The following RPS25 variants were observed in gnomAD, a reference collection of about 807,000 sequenced individuals.
The protein encoded by RPS25 is small ribosomal subunit protein eS25.
Under a neutral mutation model 14.4 loss-of-function variants are expected in RPS25, and 1 was observed. The ratio of observed to expected loss-of-function variants is 0.07; its 90% CI spans 0.02 to 0.33. The LOEUF (loss-of-function observed/expected upper bound fraction) is 0.33, where lower values mean the gene tolerates loss of function less well. RPS25 is among the 10% of genes least tolerant of loss of function. The pLI is 1.00. For missense variants in RPS25, 65 were observed against 144.6 expected, an observed-to-expected ratio of 0.45 and a Z score of 2.82; for synonymous variants, 63 against 53.8, an observed-to-expected ratio of 1.17 and a Z score of -0.75.
chr11:119,015,830 T>C lies in RPS25; in HGVS notation c.*4+11A>G, dbSNP rs1943142333. The C allele has an allele frequency of 3.9e-6, 6 of 1,554,718 alleles. No homozygotes were observed. The highest frequency in any genetic ancestry group is 1.1e-5 in the South Asian group (1 of 89,870). Reference sequence around the variant, plus strand: ...ACCTCCTACACCATGAGCCCACACATTCCTACTCACCTATTCATGCATCTT... The same window carrying C: ...ACCTCCTACACCATGAGCCCACACACTCCTACTCACCTATTCATGCATCTT... On this transcript the variant is annotated intron_variant, in intron 4 of 4. Transcript: ENST00000527673.
At chr11:119,017,573 G>A (rs1445361112) in intron 2 of RPS25, 28 bp from the exon 3 acceptor site, 12 of 1,597,162 alleles carry the variant, frequency 7.5e-6, no homozygotes, top group Non-Finnish European at 1.0e-5. Flanking sequence ...ACAGAAACAA[G>A]TTAGTATTTC....
intron 1 of RPS25, 41 bp from the exon 2 acceptor site, chr11:119,018,094 G>A (rs782764270): frequency 6.3e-7 from 1 of 1,594,454 alleles, no homozygotes; most frequent in East Asian, 2.2e-5. Context: ...TCCTCAAATA[G>A]CGCCAAAGTC....
Position 119,017,689 on chromosome 11 carries a change from ACC to A in RPS25, c.100-146_100-145del, listed in dbSNP as rs1943196270. The A allele has an allele frequency of 3.6e-6, 3 of 828,468 alleles. No individual in the cohort carries two copies. The East Asian group carries it at 8.0e-5, about 22-fold the overall frequency. 51.3% of individuals were successfully genotyped at this position (828,468 alleles called of 1,614,324 possible). A position where few individuals can be genotyped will look rare whatever the true frequency, so the allele number is the denominator to read the frequency against. ...ACTAAAACAAAAACAAAAAAAAAAC[ACC>A]GACACGTTTTTGGCCTTCAAACAGG... On this transcript the variant is annotated intron_variant, in intron 2 of 4. Coordinates refer to ENST00000527673, the MANE Select transcript of RPS25 (RefSeq NM_001028.3).
rs887626913 is a variant in RPS25, at chr11:119,018,337, C to CTT, written c.-54_-53insAA. On this transcript the variant is annotated 5_prime_UTR_variant, in exon 1 of 5. Coordinates refer to ENST00000527673, the MANE Select transcript of RPS25 (RefSeq NM_001028.3). Reference sequence around the variant, plus strand: ...ACCGCAGCCTCGTCAAGATGTCGGACAAAAAGGAAGCGCTGCTCAGAAACG... The same window carrying CTT: ...ACCGCAGCCTCGTCAAGATGTCGGACTTAAAAAGGAAGCGCTGCTCAGAAACG... The CTT allele has an allele frequency of 2.5e-6, 4 of 1,613,484 alleles. No individual in the cohort carries two copies. In the African/African-American group the frequency reaches 5.3e-5, roughly 22 times the overall value.
rs1390904844 is a variant in RPS25, at chr11:119,015,866, T to C, written c.357A>G (p.Pro119=). The C allele has an allele frequency of 1.2e-6, 2 of 1,608,450 alleles. No individual in the cohort carries two copies. The change falls in exon 4 of 5, where the codon CCA becomes CCG. Residue 119 remains proline (P), a synonymous_variant. Coordinates refer to ENST00000527673, the MANE Select transcript of RPS25 (RefSeq NM_001028.3). ...YTRNTKGGDA[P]AAGEDA is the part of the protein sequence containing the mutation. ...CTATTCATGCATCTTCACCAGCAGCTGGAGCATCTCCACCCTTGGTATTTC... is the reference window on the plus strand; with the variant it reads ...CTATTCATGCATCTTCACCAGCAGCCGGAGCATCTCCACCCTTGGTATTTC...
intron 3 of RPS25, among the ~76,000 whole-genome samples, chr11:119,016,155 G>A (rs951027593): frequency 2.0e-5 from 3 of 152,138 alleles, no homozygotes; most frequent in African/African-American, 7.2e-5. Flanking sequence ...GGGCATGGTG[G>A]CACATGCTTG....
rs1272738893 is a variant in RPS25 at position 119,017,375 on chromosome 11, C to G, written c.270G>C (p.Glu90Asp). Reference protein sequence around the residue: ...RGSLARAALQELLSKGLIKLV... With the variant: ...RGSLARAALQDLLSKGLIKLV... ...TACACCCCTCACCTTTACTAAGGAG[C>G]TCCTGAAGGGCTGCCCTGGCCAGGG... Residue 90 changes from glutamate to aspartate, a missense_variant, in exon 3 of 5, where the codon GAG (glutamate) becomes GAC (aspartate). Transcript: ENST00000527673. 2 of 1,613,096 alleles carry G rather than the reference C, an allele frequency of 1.2e-6. No homozygotes were observed. Among genetic ancestry groups the G allele is most frequent in the East Asian group, 4.5e-5 (2 of 44,900 alleles).
In RPS25 at chr11:119,018,001, T is replaced by C. The variant is rs1285819109; in HGVS notation, c.56A>G (p.Asp19Gly). The change falls in exon 2 of 5, where the codon GAC becomes GGC. Residue 19 changes from aspartate to glycine, a missense_variant. Physicochemically the swap from Asp to Gly is moderately conservative, Grantham distance 94 (BLOSUM62 -1). Coordinates refer to ENST00000527673, the MANE Select transcript of RPS25 (RefSeq NM_001028.3). ...CCCGGATTTGTTCACTGGGTCTTTG[T>C]CTTTCTTGGCCGACTTTCCAGCGTC... is the stretch of plus-strand genomic sequence containing the variant. ...KKDAGKSAKK[D>G]KDPVNKSGGK... 1.2e-6 allele frequency: 2 copies of C among 1,612,412 alleles called. No homozygotes were observed. Among genetic ancestry groups the C allele is most frequent in the African/African-American group, 1.3e-5 (1 of 74,994 alleles).
intron 3 of RPS25, 93 bp downstream of exon 3, chr11:119,017,269 T>TA (rs1943186140): frequency 1.1e-6 from 1 of 947,938 alleles, no homozygotes; most frequent in African/African-American, 1.7e-5. Flanking sequence ...TTTTTTTTTT[T>TA]AATTCTGCTT....
chr11:119,017,307 A>G, intron 3 of RPS25, 55 bp downstream of exon 3: 3 of 1,349,994 alleles, frequency 2.2e-6, no homozygotes, highest in Non-Finnish European at 3.0e-6. Flanking sequence ...AAGATGCTTA[A>G]CATGGTCAAG....
rs1232091688 is a variant in RPS25, at chr11:119,015,748, G to A, written c.*15C>T. The A allele has an allele frequency of 8.0e-7, 1 of 1,254,920 alleles. No homozygotes were observed. Among genetic ancestry groups the A allele is most frequent in the Admixed American group, 1.9e-5 (1 of 51,714 alleles). The allele number at this position is 1,254,920 out of a possible 1,614,324, so 77.7% of individuals were successfully genotyped here. ...AAAGTTTTATTTTTCCAAATGTACA[G>A]CTGGTTGGACCTGTAAAAAAAAATT... On this transcript the variant is annotated 3_prime_UTR_variant, in exon 5 of 5. Transcript: ENST00000527673.
chr11:119,018,228 C>CAAG, intron 1 of RPS25, 54 bp downstream of exon 1: 1 of 1,613,584 alleles, frequency 6.2e-7, no homozygotes, highest in Non-Finnish European at 8.5e-7. Flanking sequence ...AAGGCTCTCC[C>CAAG]CACTGAGTCC....
chr11:119,017,776 C>T, intron 2 of RPS25, 182 bp downstream of exon 2: 1 of 661,598 alleles, frequency 1.5e-6, no homozygotes, highest in East Asian at 2.7e-5. Context: ...AGACACTTCG[C>T]ACAACAGACC....
Position 119,018,051 on chromosome 11 carries a change from C to T in RPS25, c.6G>A (p.Pro2=), listed in dbSNP as rs376838526. 68 of 1,612,272 alleles carry T rather than the reference C, an allele frequency of 4.2e-5. No homozygotes were observed. The African/African-American group carries it at 7.2e-4, about 17-fold the overall frequency. Residue 2 remains proline, a splice_region_variant and synonymous_variant, in exon 2 of 5, where the codon CCG becomes CCA. Transcript: ENST00000527673. Reference sequence around the variant, plus strand: ...CCTTCTTCTTCTTGTCGTCCTTAGGCGGCTGTAGGAGGGCAGCGGGAATGC... The same window carrying T: ...CCTTCTTCTTCTTGTCGTCCTTAGGTGGCTGTAGGAGGGCAGCGGGAATGC... M[P]PKDDKKKKDA...
chr11:119,015,971 T>C (rs1448634838), intron 3 of RPS25, 32 bp from the exon 4 acceptor site: 2 of 1,291,634 alleles, frequency 1.5e-6, no homozygotes, highest in East Asian at 2.3e-5. Context: ...ATGAGATGCT[T>C]AACAGATGCT....
intron 2 of RPS25, 32 bp downstream of exon 2, chr11:119,017,926 C>A: frequency 6.5e-7 from 1 of 1,533,084 alleles, no homozygotes; most frequent in Non-Finnish European, 9.0e-7. Context: ...GAGAGTTACC[C>A]CTAGTCTCTT....
intron 3 of RPS25, 43 bp downstream of exon 3, chr11:119,017,319 C>A: frequency 7.0e-7 from 1 of 1,432,666 alleles, no homozygotes; most frequent in Non-Finnish European, 9.5e-7. Context: ...ATGGTCAAGA[C>A]AATTTAACCT....
Position 119,015,742 on chromosome 11 carries a change from T to A in RPS25, c.*21A>T. ...TTTAATAAAGTTTTATTTTTCCAAA[T>A]GTACAGCTGGTTGGACCTGTAAAAA... On this transcript the variant is annotated 3_prime_UTR_variant, in exon 5 of 5. Coordinates refer to ENST00000527673, the MANE Select transcript of RPS25 (RefSeq NM_001028.3). 7.9e-7 allele frequency: 1 copy of A among 1,265,424 alleles called. No homozygotes were observed. Among genetic ancestry groups the A allele is most frequent in the Non-Finnish European group, 1.1e-6 (1 of 882,078 alleles). 78.4% of individuals were successfully genotyped at this position (1,265,424 alleles called of 1,614,324 possible). A position where few individuals can be genotyped will look rare whatever the true frequency, so the allele number is the denominator to read the frequency against.
chr11:119,017,776 C>CA lies in RPS25; in HGVS notation c.99+181dup, dbSNP rs1943199018. On this transcript the variant is annotated intron_variant, in intron 2 of 4. Coordinates refer to ENST00000527673, the MANE Select transcript of RPS25 (RefSeq NM_001028.3). ...AGCAGGCACAGCGGCAGACACTTCG[C>CA]ACAACAGACCCATTTTCATGATCCT... 3 of 661,484 alleles carry CA rather than the reference C, an allele frequency of 4.5e-6. No homozygotes were observed. In the African/African-American group the frequency reaches 5.5e-5, roughly 12 times the overall value. 41.0% of individuals were successfully genotyped at this position (661,484 alleles called of 1,614,324 possible). A position where few individuals can be genotyped will look rare whatever the true frequency, so the allele number is the denominator to read the frequency against.
Sources: gnomAD v4.1 joint callset for allele counts (sites outside exome capture counted in the v4.1 genomes callset) on GRCh38, gnomAD v4.1.1 for gene constraint, MANE v1.5 for transcripts, NCBI Gene and HGNC (gene_info 2026-07-23, HGNC 2026-07-21) for gene names.